PATL2: variants seen among roughly 807,000 people sequenced by gnomAD.
The protein encoded by PATL2 is PAT1 homolog 2.
In PATL2, 73 loss-of-function variants were observed where a neutral mutation model predicts 77.0. That is an observed-to-expected ratio of 0.95 (90% CI 0.78 to 1.15). The LOEUF is 1.15. Ranked by LOEUF, PATL2 falls within the 50% of genes most tolerant of loss-of-function variation. PATL2 has a pLI of 0.00. For missense variants in PATL2, 618 were observed against 655.4 expected (o/e 0.94, Z 0.62); for synonymous variants, 265 against 257.1 (o/e 1.03, Z -0.29).
chr15:44,673,412 A>G (rs536940487), intron 6 of PATL2, 35 bp from the exon 7 acceptor site: 17 of 1,549,582 alleles, frequency 1.1e-5, no homozygotes, highest in East Asian at 4.9e-5. Flanking sequence ...GGAGAACGCC[A>G]TCTCCACCAA....
intron 3 of PATL2, among the ~76,000 whole-genome samples, chr15:44,701,848 A>T (rs542223853): frequency 6.6e-6 from 1 of 152,132 alleles, no homozygotes; most frequent in African/African-American, 2.4e-5. Context: ...GCTTTTACTC[A>T]TCGCAGAAGG....
intron 3 of PATL2, among the ~76,000 whole-genome samples, chr15:44,696,570 A>G (rs1183311521): frequency 6.6e-6 from 1 of 152,150 alleles, no homozygotes; most frequent in African/African-American, 2.4e-5. Flanking sequence ...AGCCTGTGGG[A>G]CAGGTTCTCT....
At chr15:44,707,407 T>C (rs1300214707) in intron 3 of PATL2, among the ~76,000 whole-genome samples, 1 of 152,130 alleles carries the variant, frequency 6.6e-6, no homozygotes, top group Non-Finnish European at 1.5e-5. Context: ...TGGCTACTTC[T>C]GATTATTCAG....
chr15:44,710,328 C>A (rs1205452853), intron 2 of PATL2, among the ~76,000 whole-genome samples, 114 bp from the exon 3 acceptor site: 1 of 152,226 alleles, frequency 6.6e-6, no homozygotes, highest in Non-Finnish European at 1.5e-5. Context: ...CCCTCCCCAT[C>A]GCCATGGTCC....
intron 3 of PATL2, among the ~76,000 whole-genome samples, chr15:44,705,314 C>T (rs550632510): frequency 6.6e-6 from 1 of 152,180 alleles, no homozygotes; most frequent in Non-Finnish European, 1.5e-5. Context: ...TCCAGAGTAG[C>T]CGGGATTAAA....
intron 6 of PATL2, among the ~76,000 whole-genome samples, 184 bp downstream of exon 6, chr15:44,673,966 C>A (rs1254651641): frequency 6.6e-6 from 1 of 152,190 alleles, no homozygotes; most frequent in African/African-American, 2.4e-5. Context: ...AGGTGTCTAT[C>A]CATGCCCCTG....
chr15:44,701,132 G>A (rs1227984110), intron 3 of PATL2, among the ~76,000 whole-genome samples: 1 of 151,906 alleles, frequency 6.6e-6, no homozygotes, highest in African/African-American at 2.4e-5. Flanking sequence ...TGGTCATGAT[G>A]AATGATTTTT....
At chr15:44,702,562 T>C (rs958628340) in intron 3 of PATL2, among the ~76,000 whole-genome samples, 59 of 152,138 alleles carry the variant, frequency 3.9e-4, no homozygotes, top group African/African-American at 1.4e-3. Context: ...TCTAGTTCTT[T>C]GAAATGCATC....
rs1049787025 is a variant in PATL2 at position 44,681,535 on chromosome 15, C to T, written c.-75-4970G>A. ...CTTCTTCCCATCCTTTGAATATCCGCTTCCTCAGGCTACTTCTCAGTCCTC... is the reference window on the plus strand; with the variant it reads ...CTTCTTCCCATCCTTTGAATATCCGTTTCCTCAGGCTACTTCTCAGTCCTC... On this transcript the variant is annotated intron_variant, in intron 3 of 17. Transcript: ENST00000682850. Among the ~76,000 whole-genome samples the T allele has an allele frequency of 2.6e-5, 4 of 152,160 alleles. No homozygotes were observed. In the East Asian group the frequency reaches 7.7e-4, roughly 29 times the overall value.
intron 4 of PATL2, 177 bp from the exon 5 acceptor site, chr15:44,675,868 G>A (rs1179571355): frequency 6.7e-6 from 4 of 596,072 alleles, no homozygotes; most frequent in South Asian, 6.7e-5. Context: ...AAGGTGCCCC[G>A]AACCATCCCC....
At chr15:44,694,113 C>T (rs1375017045) in intron 3 of PATL2, among the ~76,000 whole-genome samples, 1 of 152,036 alleles carries the variant, frequency 6.6e-6, no homozygotes, top group African/African-American at 2.4e-5. Flanking sequence ...AAAATAATCC[C>T]AATTTTGTGG....
chr15:44,710,273 C>A (rs184506123), intron 2 of PATL2, among the ~76,000 whole-genome samples, 59 bp from the exon 3 acceptor site: 1 of 152,338 alleles, frequency 6.6e-6, no homozygotes, highest in East Asian at 1.9e-4. Flanking sequence ...GGAAGCTAGG[C>A]AAATCCTTTC....
At chr15:44,691,219 A>G (rs1355274344) in intron 3 of PATL2, among the ~76,000 whole-genome samples, 2 of 152,166 alleles carry the variant, frequency 1.3e-5, no homozygotes, top group Non-Finnish European at 2.9e-5. Flanking sequence ...TAGACAGAGA[A>G]AAGTTGAGAT....
rs533270089 is a variant in PATL2, at chr15:44,676,538, C to T, written c.-48G>A. ...TTCTTAGCCGTGTCCTCCAGTGAAA[C>T]AGCATTGCCAGCCTCTGGAAGGTAA... On this transcript the variant is annotated 5_prime_UTR_variant, in exon 4 of 18. Transcript: ENST00000682850. 7.1e-5 allele frequency: 110 copies of T among 1,551,086 alleles called. 2 individuals carry two copies. The South Asian group carries it at 7.4e-4, about 10-fold the overall frequency.
chr15:44,675,256 GCT>G, intron 5 of PATL2: 1 of 544,684 alleles, frequency 1.8e-6, no homozygotes, highest in African/African-American at 1.9e-5. Flanking sequence ...GCGATGCACA[GCT>G]CTGCTAGGAC....
In PATL2 at chr15:44,674,249, A is replaced by G; in HGVS notation, c.223-19T>C. 1.3e-6 allele frequency: 2 copies of G among 1,514,962 alleles called. No homozygotes were observed. Among genetic ancestry groups the G allele is most frequent in the East Asian group, 2.5e-5 (1 of 40,642 alleles). The allele number at this position is 1,514,962 out of a possible 1,614,324, so 93.8% of individuals were successfully genotyped here. ...GAGCTCTCTGGAACAGGAGGGAGGA[A>G]AAACCAGGCTCAAATGGGCCCCTGT... On this transcript the variant is annotated intron_variant, in intron 5 of 17. Coordinates refer to ENST00000682850, the MANE Select transcript of PATL2 (RefSeq NM_001387263.1).
At chr15:44,710,738 T>C (rs777771940) in intron 2 of PATL2, among the ~76,000 whole-genome samples, 133 bp downstream of exon 2, 88 of 152,064 alleles carry the variant, frequency 5.8e-4, no homozygotes, top group Admixed American at 1.5e-3. Context: ...TGTTCTAGGG[T>C]GGAAACTAAG....
At chr15:44,676,675 C>T in intron 3 of PATL2, 110 bp from the exon 4 acceptor site, 1 of 1,265,854 alleles carries the variant, frequency 7.9e-7, no homozygotes, top group Non-Finnish European at 1.1e-6. Flanking sequence ...AATTCTTGGC[C>T]ATGGTCTTGA....
intron 9 of PATL2, among the ~76,000 whole-genome samples, chr15:44,671,314 C>A (rs2085663185): frequency 6.6e-6 from 1 of 152,080 alleles, no homozygotes; most frequent in African/African-American, 2.4e-5. Context: ...CATGGTGAAA[C>A]CCCATCTCTA....
Sources: gnomAD v4.1 joint callset for allele counts (sites outside exome capture counted in the v4.1 genomes callset) on GRCh38, gnomAD v4.1.1 for gene constraint, MANE v1.5 for transcripts, NCBI Gene and HGNC (gene_info 2026-07-23, HGNC 2026-07-21) for gene names.